The following DNAH14 variants were observed in gnomAD, a reference collection of about 807,000 sequenced individuals.
The protein encoded by DNAH14 is dynein axonemal heavy chain 14, also known as axonemal beta dynein heavy chain 14.
In DNAH14, 478 loss-of-function variants were observed where a neutral mutation model predicts 520.9. The observed-to-expected ratio is 0.92, with a 90% CI of 0.85 to 0.99. The LOEUF (loss-of-function observed/expected upper bound fraction) is 0.99, where lower values mean the gene tolerates loss of function less well. Ranked by LOEUF, DNAH14 falls within the 50% of genes least tolerant of loss-of-function variation. DNAH14 has a pLI of 0.00. For synonymous variants in DNAH14, 1,581 were observed against 1,757.2 expected, an observed-to-expected ratio of 0.90 and a Z score of 2.51; for missense variants, 4,831 against 5,234.5, an observed-to-expected ratio of 0.92 and a Z score of 2.38.
intron 4 of DNAH14, among the ~76,000 whole-genome samples, chr1:224,960,745 A>G (rs2060794588): frequency 6.6e-6 from 1 of 152,060 alleles, no homozygotes; most frequent in Admixed American, 6.6e-5. Context: ...AATTCTTCTT[A>G]GTATTAATAT....
Position 225,081,094 on chromosome 1 carries a change from G to A in DNAH14, c.3136+346G>A, listed in dbSNP as rs566535725. On this transcript the variant is annotated intron_variant, in intron 19 of 85. Coordinates refer to ENST00000682510, the MANE Select transcript of DNAH14 (RefSeq NM_001367479.1). ...CTGCATAATCATTCATTATCTTTTG[G>A]GCAGTGGGTAAACAGCTTAAAGAGT... 1.1e-4 allele frequency among the ~76,000 whole-genome samples: 17 copies of A among 152,222 alleles called. No homozygotes were observed. The East Asian group carries it at 3.1e-3, about 28-fold the overall frequency.
Position 225,159,373 on chromosome 1 carries a change from G to A in DNAH14, c.5333G>A (p.Arg1778Lys). The A allele has an allele frequency of 6.4e-7, 1 of 1,551,680 alleles. No individual in the cohort carries two copies. Among genetic ancestry groups the A allele is most frequent in the East Asian group, 2.4e-5 (1 of 40,882 alleles). ...ACCTTGATTGTTATCGAGGCTATAA[G>A]AGAAGCTAGTTTGCCAAAATGTCCT... ...DETLIVIEAI[R>K]EASLPKCPPE... The change falls in exon 35 of 86, where the codon AGA becomes AAA. Residue 1778 changes from arginine (R) to lysine (K), a missense_variant. Arg to Lys is a conservative substitution (Grantham distance 26). Transcript: ENST00000682510.
At chr1:225,389,349 G>A (rs575143401) in intron 82 of DNAH14, among the ~76,000 whole-genome samples, 1 of 152,240 alleles carries the variant, frequency 6.6e-6, no homozygotes, top group Non-Finnish European at 1.5e-5. Flanking sequence ...TCCAAAGTCT[G>A]TGCCAGGCTG....
intron 36 of DNAH14, among the ~76,000 whole-genome samples, chr1:225,174,368 T>C (rs2083079139): frequency 6.6e-6 from 1 of 152,182 alleles, no homozygotes; most frequent in Non-Finnish European, 1.5e-5. Context: ...TAATAAGTGT[T>C]TTATAGATGA....
chr1:225,242,210 G>A (rs890548098), intron 43 of DNAH14, among the ~76,000 whole-genome samples: 1 of 151,892 alleles, frequency 6.6e-6, no homozygotes, highest in African/African-American at 2.4e-5. Context: ...CTCCAGCCTG[G>A]GAAACAGATT....
chr1:225,193,420 TGGC>T (rs1225016506), intron 38 of DNAH14, among the ~76,000 whole-genome samples: 2 of 152,094 alleles, frequency 1.3e-5, no homozygotes, highest in African/African-American at 4.8e-5. Flanking sequence ...CCAGGTGTGG[TGGC>T]ATACACCTGT....
chr1:224,932,405 C>T (rs536353760), intron 1 of DNAH14, among the ~76,000 whole-genome samples: 1 of 151,976 alleles, frequency 6.6e-6, no homozygotes, highest in Non-Finnish European at 1.5e-5. Flanking sequence ...ATTGAACAGG[C>T]TGTTTTTTCA....
chr1:225,265,099 A>G (rs2149792610), intron 47 of DNAH14, 83 bp from the exon 48 acceptor site: 3 of 945,038 alleles, frequency 3.2e-6, no homozygotes, highest in Non-Finnish European at 4.5e-6. Context: ...GTAATTTTCA[A>G]ATTTCATGAC....
At chr1:225,192,992 A>C (rs2085642714) in intron 38 of DNAH14, 81 bp downstream of exon 38, 1 of 1,021,078 alleles carries the variant, frequency 9.8e-7, no homozygotes, top group Non-Finnish European at 1.4e-6. Context: ...ATATTAAAAC[A>C]TCATTAGACA....
At chr1:225,307,753 A>G (rs1221779598) in intron 59 of DNAH14, among the ~76,000 whole-genome samples, 184 bp downstream of exon 59, 2 of 152,218 alleles carry the variant, frequency 1.3e-5, no homozygotes, top group East Asian at 1.9e-4. Flanking sequence ...AATGAGAAGA[A>G]CAAAAAAGCA....
chr1:225,224,607 A>G (rs1085215), intron 41 of DNAH14, among the ~76,000 whole-genome samples: 47,797 of 151,946 alleles, frequency 0.31, 8,692 homozygotes, highest in East Asian at 0.61. Context: ...AGGCCATATA[A>G]AACATGCCCT....
intron 81 of DNAH14, 67 bp downstream of exon 81, chr1:225,381,646 G>A: frequency 8.1e-7 from 1 of 1,236,380 alleles, no homozygotes; most frequent in Non-Finnish European, 1.1e-6. Context: ...TCAAGGGAAT[G>A]GTGAAGGTAA....
At chr1:225,123,983 C>T (rs942205488) in intron 27 of DNAH14, among the ~76,000 whole-genome samples, 1 of 151,832 alleles carries the variant, frequency 6.6e-6, no homozygotes, top group Non-Finnish European at 1.5e-5. Flanking sequence ...GAACTCCTGA[C>T]CTCAGGTGAT....
intron 55 of DNAH14, 99 bp downstream of exon 55, chr1:225,290,181 T>A: frequency 1.2e-6 from 1 of 847,978 alleles, no homozygotes; most frequent in Non-Finnish European, 1.7e-6. Context: ...AAGAAAATAT[T>A]TATCAATGGT....
chr1:225,146,668 T>G (rs1435422226), intron 30 of DNAH14, among the ~76,000 whole-genome samples: 41 of 152,212 alleles, frequency 2.7e-4, no homozygotes, highest in Admixed American at 2.6e-3. Context: ...TGCCCGCCAC[T>G]AAGCCATAAG....
intron 1 of DNAH14, among the ~76,000 whole-genome samples, chr1:224,942,120 T>C (rs1214158516): frequency 6.6e-6 from 1 of 152,218 alleles, no homozygotes; most frequent in Non-Finnish European, 1.5e-5. Context: ...TTTCACGATA[T>C]TGATTCTTTC....
At chr1:225,168,446 C>T (rs1573656386) in intron 36 of DNAH14, among the ~76,000 whole-genome samples, 1 of 152,168 alleles carries the variant, frequency 6.6e-6, no homozygotes, top group East Asian at 1.9e-4. Context: ...CAGGTCACTC[C>T]CACCCTAATA....
At chr1:224,942,402 G>A (rs903507235) in intron 1 of DNAH14, among the ~76,000 whole-genome samples, 11 of 152,156 alleles carry the variant, frequency 7.2e-5, no homozygotes, top group African/African-American at 2.7e-4. Flanking sequence ...AGGAGATTTT[G>A]GGCTGAGACG....
At chr1:225,030,539 G>T (rs2066450368) in intron 11 of DNAH14, among the ~76,000 whole-genome samples, 1 of 151,706 alleles carries the variant, frequency 6.6e-6, no homozygotes, top group African/African-American at 2.4e-5. Flanking sequence ...TATCCTTTTT[G>T]AGTTAATTTT....
Sources: allele counts gnomAD v4.1 joint callset (sites outside exome capture counted in the v4.1 genomes callset), GRCh38; gene constraint gnomAD v4.1.1; transcripts MANE v1.5; gene names NCBI Gene and HGNC (gene_info 2026-07-23, HGNC 2026-07-21).